The following DSCAM variants were observed in gnomAD, a reference collection of about 807,000 sequenced individuals.
The protein encoded by DSCAM is DS cell adhesion molecule.
A neutral mutation model predicts 217.7 loss-of-function variants in DSCAM; 47 were observed. The observed-to-expected ratio is 0.22, with a 90% CI of 0.17 to 0.28. The LOEUF (loss-of-function observed/expected upper bound fraction) is 0.28, where lower values mean the gene tolerates loss of function less well. Among genes scored for constraint, DSCAM ranks in the 10% least tolerant of loss-of-function variants. The pLI is 1.00. For synonymous variants in DSCAM, 1,056 were observed against 1,015.3 expected (o/e 1.04, Z -0.76); for missense variants, 2,080 against 2,618.3 (o/e 0.79, Z 4.49).
In DSCAM at chr21:40,243,218, A is replaced by G. The variant is rs141243038; in HGVS notation, c.2356+32879T>C. On this transcript the variant is annotated intron_variant, in intron 11 of 32. Coordinates refer to ENST00000400454, the MANE Select transcript of DSCAM (RefSeq NM_001389.5). ...TGCAATACTCCTGTTACATTTTGCA[A>G]TTTAGAATTAAAGCAGATGTACAAT... Among the ~76,000 whole-genome samples, 631 of 152,334 alleles carry G rather than the reference A, an allele frequency of 4.1e-3. 11 individuals are homozygous for G. Among genetic ancestry groups the G allele is most frequent in the African/African-American group, 0.015 (603 of 41,584 alleles).
intron 3 of DSCAM, among the ~76,000 whole-genome samples, chr21:40,412,071 G>A (rs1253723779): frequency 2.0e-5 from 3 of 152,194 alleles, no homozygotes; most frequent in African/African-American, 7.2e-5. Flanking sequence ...CTCTTTGCCT[G>A]CTGCCATCCA....
intron 8 of DSCAM, among the ~76,000 whole-genome samples, chr21:40,325,866 G>T (rs1271827763): frequency 6.6e-6 from 1 of 152,144 alleles, no homozygotes; most frequent in Non-Finnish European, 1.5e-5. Context: ...TATTAGTGAA[G>T]TTAAATTCTA....
At chr21:40,112,339 G>C (rs903325384) in intron 20 of DSCAM, among the ~76,000 whole-genome samples, 5 of 151,666 alleles carry the variant, frequency 3.3e-5, no homozygotes, top group Admixed American at 6.6e-5. Flanking sequence ...CGAAATGAAG[G>C]CAGAAATAAA....
chr21:40,757,240 T>C (rs1601220689), intron 1 of DSCAM, among the ~76,000 whole-genome samples: 1 of 152,032 alleles, frequency 6.6e-6, no homozygotes, highest in East Asian at 1.9e-4. Flanking sequence ...TTAGCCAAGA[T>C]GGTCTCGATC....
intron 3 of DSCAM, among the ~76,000 whole-genome samples, chr21:40,620,770 T>G (rs2089503386): frequency 6.6e-6 from 1 of 152,234 alleles, no homozygotes; most frequent in South Asian, 2.1e-4. Context: ...AACACTACAC[T>G]GTGTTCATAT....
chr21:40,845,028 T>C (rs1313482615), intron 1 of DSCAM, among the ~76,000 whole-genome samples: 2 of 152,026 alleles, frequency 1.3e-5, no homozygotes, highest in Non-Finnish European at 1.5e-5. Context: ...TCTTAGGAGG[T>C]CGCATTAGCA....
chr21:40,497,045 A>AT (rs1347732872), intron 3 of DSCAM, among the ~76,000 whole-genome samples: 1 of 152,186 alleles, frequency 6.6e-6, no homozygotes, highest in South Asian at 2.1e-4. Flanking sequence ...ATTGGTGGAA[A>AT]TTTACACTGG....
chr21:40,236,316 C>T (rs1042700002), intron 11 of DSCAM, among the ~76,000 whole-genome samples: 1 of 152,158 alleles, frequency 6.6e-6, no homozygotes, highest in African/African-American at 2.4e-5. Flanking sequence ...AAAGTGCCCA[C>T]TCTGAAGAGC....
intron 20 of DSCAM, among the ~76,000 whole-genome samples, chr21:40,108,433 T>C (rs991261585): frequency 1.3e-5 from 2 of 152,164 alleles, no homozygotes; most frequent in African/African-American, 4.8e-5. Flanking sequence ...TACCTTGGAA[T>C]GAAGCTAACT....
At chr21:40,376,634 T>C (rs1198372985) in intron 3 of DSCAM, among the ~76,000 whole-genome samples, 3 of 145,508 alleles carry the variant, frequency 2.1e-5, no homozygotes, top group African/African-American at 7.6e-5. Flanking sequence ...TATCTATATA[T>C]CTTATATAGA....
At chr21:40,639,074 C>CCTTTTTTT (rs780400474) in intron 3 of DSCAM, among the ~76,000 whole-genome samples, 2 of 92,790 alleles carry the variant, frequency 2.2e-5, no homozygotes, top group Non-Finnish European at 2.3e-5. Flanking sequence ...AAATATCCTG[C>CCTTTTTTT]ATTTTTTTTT....
chr21:40,831,762 C>T (rs2092013550), intron 1 of DSCAM, among the ~76,000 whole-genome samples: 1 of 152,196 alleles, frequency 6.6e-6, no homozygotes, highest in South Asian at 2.1e-4. Flanking sequence ...ATAGTTGCAC[C>T]TCTGAAGTGG....
At chr21:40,621,110 A>G (rs561467905) in intron 3 of DSCAM, 2 of 152,362 alleles carry the variant, frequency 1.3e-5, no homozygotes, top group Admixed American at 6.5e-5. Flanking sequence ...GGGCACCAGG[A>G]AAGTTTGGGT....
At chr21:40,304,922 A>T (rs1454092543) in intron 9 of DSCAM, among the ~76,000 whole-genome samples, 1 of 152,188 alleles carries the variant, frequency 6.6e-6, no homozygotes, top group Non-Finnish European at 1.5e-5. Context: ...CAATCACCAT[A>T]ACAGACATAA....
intron 1 of DSCAM, among the ~76,000 whole-genome samples, chr21:40,841,126 G>C (rs911672616): frequency 6.6e-6 from 1 of 152,120 alleles, no homozygotes; most frequent in Non-Finnish European, 1.5e-5. Context: ...AAGATTTTTA[G>C]AAAAAGGATA....
At chr21:40,241,183 T>C (rs1249332638) in intron 11 of DSCAM, among the ~76,000 whole-genome samples, 1 of 151,952 alleles carries the variant, frequency 6.6e-6, no homozygotes, top group Non-Finnish European at 1.5e-5. Flanking sequence ...AAAGAAACTA[T>C]CAACAGAGTA....
At chr21:40,642,284 G>A (rs1206990912) in intron 3 of DSCAM, among the ~76,000 whole-genome samples, 1 of 152,118 alleles carries the variant, frequency 6.6e-6, no homozygotes, top group Non-Finnish European at 1.5e-5. Flanking sequence ...TCTAAAGAAT[G>A]AAGAAACACT....
intron 20 of DSCAM, among the ~76,000 whole-genome samples, chr21:40,107,922 T>A (rs1388126394): frequency 6.6e-6 from 1 of 152,144 alleles, no homozygotes; most frequent in Admixed American, 6.5e-5. Flanking sequence ...TGTGATTATC[T>A]CAAATAGATG....
At chr21:40,717,378 G>A (rs999074371) in intron 1 of DSCAM, among the ~76,000 whole-genome samples, 1 of 152,218 alleles carries the variant, frequency 6.6e-6, no homozygotes, top group Non-Finnish European at 1.5e-5. Flanking sequence ...ACAAAACTGT[G>A]AGCAAATGTT....
Sources: allele counts gnomAD v4.1 joint callset (sites outside exome capture counted in the v4.1 genomes callset), GRCh38; gene constraint gnomAD v4.1.1; transcripts MANE v1.5; gene names NCBI Gene and HGNC (gene_info 2026-07-23, HGNC 2026-07-21).